Variants in ITPRID2 observed in about 807,000 individuals in gnomAD.
ITPRID2 encodes the protein protein ITPRID2.
A neutral mutation model predicts 124.3 loss-of-function variants in ITPRID2; 60 were observed. The observed-to-expected ratio is 0.48, with a 90% CI of 0.39 to 0.60. The LOEUF is 0.60. Among genes scored for constraint, ITPRID2 ranks in the 20% least tolerant of loss-of-function variants. ITPRID2 has a pLI of 0.00. For synonymous variants in ITPRID2, 521 were observed against 542.9 expected (o/e 0.96, Z 0.56); for missense variants, 1,553 against 1,512.2 (o/e 1.03, Z -0.45).
At chr2:181,927,420 A>G (rs967017572) in intron 16 of ITPRID2, among the ~76,000 whole-genome samples, 2 of 152,202 alleles carry the variant, frequency 1.3e-5, no homozygotes, top group Non-Finnish European at 2.9e-5. Flanking sequence ...AAGTGTTTGG[A>G]CACCTGTAGA....
rs1369781634 is a variant in ITPRID2 at position 181,892,281 on chromosome 2, G to C, written c.211+4G>C. The stretch of plus-strand genomic sequence containing the variant: ...CTGCCGGCAGCGGGGGGAAGAGGTC[G>C]GTGCTCCCGGCCGGGCTCCGGGGGG... On this transcript the variant is annotated splice_donor_region_variant and intron_variant, in intron 1 of 17. Coordinates refer to ENST00000431877, the MANE Select transcript of ITPRID2 (RefSeq NM_001130445.3). The surrounding 1 kb of genome is among the most constrained non-coding windows in gnomAD (Gnocchi z 5.2). 6.5e-7 allele frequency: 1 copy of C among 1,544,102 alleles called. No individual in the cohort carries two copies. The highest frequency in any genetic ancestry group is 2.5e-5 in the East Asian group (1 of 40,802).
chr2:181,920,712 T>G, intron 15 of ITPRID2, 50 bp downstream of exon 15: 1 of 1,334,200 alleles, frequency 7.5e-7, no homozygotes, highest in Non-Finnish European at 1.1e-6. Context: ...ATACAACATT[T>G]CAGACACATA....
chr2:181,927,699 C>A (rs1198174398), intron 16 of ITPRID2, among the ~76,000 whole-genome samples: 2 of 152,124 alleles, frequency 1.3e-5, no homozygotes, highest in Non-Finnish European at 2.9e-5. Context: ...TCTTTAGATA[C>A]CTTGCTGTCA....
intron 6 of ITPRID2, among the ~76,000 whole-genome samples, chr2:181,900,430 A>T (rs1692566406): frequency 6.6e-6 from 1 of 152,154 alleles, no homozygotes; most frequent in Non-Finnish European, 1.5e-5. Context: ...GTGAGGAATC[A>T]CGTAGGGAAT....
chr2:181,919,395 G>GCA lies in ITPRID2; in HGVS notation c.3094_3095dup (p.Gln1032HisfsTer35). ...AGGAGCGCCTGCTGGGCCTGGAGGA[G>GCA]CAGCTTCGTGCTGTGCGCATGCCTT... On this transcript the variant is annotated frameshift_variant, in exon 14 of 18. Coordinates refer to ENST00000431877, the MANE Select transcript of ITPRID2 (RefSeq NM_001130445.3). LOFTEE classifies it high-confidence loss of function. The surrounding 1 kb of genome is among the most constrained non-coding windows in gnomAD (Gnocchi z 4.2). The GCA allele has an allele frequency of 1.9e-6, 3 of 1,613,712 alleles. No individual in the cohort carries two copies. Among genetic ancestry groups the GCA allele is most frequent in the Non-Finnish European group, 2.5e-6 (3 of 1,179,848 alleles).
rs556636387 is a variant in ITPRID2 at position 181,918,353 on chromosome 2, G to C, written c.2788-245G>C. 3.1e-5 allele frequency: 39 copies of C among 1,247,038 alleles called. No homozygotes were observed. The South Asian group carries it at 6.2e-4, about 20-fold the overall frequency. The allele number at this position is 1,247,038 out of a possible 1,614,324, so 77.2% of individuals were successfully genotyped here. A position where few individuals can be genotyped will look rare whatever the true frequency, so the allele number is the denominator to read the frequency against. ...CAAGAGGGAAGTCCTGAAAGAAATA[G>C]ATGTGAACTATGTTCCTTCGCCTCC... On this transcript the variant is annotated intron_variant, in intron 11 of 17. Transcript: ENST00000431877.
At chr2:181,920,947 G>C (rs188988419) in intron 15 of ITPRID2, among the ~76,000 whole-genome samples, 358 of 151,066 alleles carry the variant, frequency 2.4e-3, no homozygotes, top group African/African-American at 8.4e-3. Context: ...TATTTAAATG[G>C]TTGAGGTGGA....
chr2:181,909,830 T>C, intron 8 of ITPRID2, 69 bp from the exon 9 acceptor site: 1 of 1,163,490 alleles, frequency 8.6e-7, no homozygotes, highest in South Asian at 1.3e-5. Context: ...TTAATAGATA[T>C]TTATTCAAGA....
chr2:181,901,440 T>C (rs746535564), intron 7 of ITPRID2, among the ~76,000 whole-genome samples: 12 of 152,216 alleles, frequency 7.9e-5, no homozygotes, highest in Non-Finnish European at 1.3e-4. Context: ...TGAAAGAGTC[T>C]TAATGGAGTT....
At chr2:181,908,427 A>G (rs1693326056) in intron 8 of ITPRID2, among the ~76,000 whole-genome samples, 1 of 152,248 alleles carries the variant, frequency 6.6e-6, no homozygotes, top group African/African-American at 2.4e-5. Context: ...CCGAGCCTGA[A>G]TAGAAGCTAA....
At chr2:181,913,959 C>T (rs1693831592) in intron 10 of ITPRID2, 26 bp downstream of exon 10, 2 of 1,446,448 alleles carry the variant, frequency 1.4e-6, no homozygotes, top group South Asian at 1.2e-5. Context: ...CTAATAGGCA[C>T]TATGATTAAC....
Position 181,896,530 on chromosome 2 carries a change from C to G in ITPRID2, c.308-378C>G, listed in dbSNP as rs565601547. ...GGCAGTGGCAAGGCATATAAAAAAA[C>G]ATTTACAGTGTCAGGAAAATCCAGC... On this transcript the variant is annotated intron_variant, in intron 3 of 17. Transcript: ENST00000431877. The surrounding 1 kb of genome is among the most constrained non-coding windows in gnomAD (Gnocchi z 4.3). Among the ~76,000 whole-genome samples the G allele has an allele frequency of 2.6e-5, 4 of 151,900 alleles. No individual in the cohort carries two copies. Among genetic ancestry groups the G allele is most frequent in the Non-Finnish European group, 4.4e-5 (3 of 67,842 alleles).
chr2:181,919,233 A>T lies in ITPRID2; in HGVS notation c.2994-63A>T. ...GTTAGCATATAGTAGTTGTTGAAAG[A>T]TTTGTGATTAGGAATCTCCAAACTG... On this transcript the variant is annotated intron_variant, in intron 13 of 17. Coordinates refer to ENST00000431877, the MANE Select transcript of ITPRID2 (RefSeq NM_001130445.3). This position sits in a 1 kb window ranked among gnomAD's most constrained non-coding sequence, Gnocchi z 4.2. 6.3e-7 allele frequency: 1 copy of T among 1,584,282 alleles called. No homozygotes were observed. The highest frequency in any genetic ancestry group is 8.6e-7 in the Non-Finnish European group (1 of 1,161,548).
At chr2:181,928,505 T>A (rs76902919) in intron 17 of ITPRID2, among the ~76,000 whole-genome samples, 6,736 of 152,318 alleles carry the variant, frequency 0.044, 214 homozygotes, top group Middle Eastern at 0.099. Flanking sequence ...GTCATTCTAC[T>A]GAAATTTCAT....
intron 8 of ITPRID2, among the ~76,000 whole-genome samples, chr2:181,903,505 C>G (rs1692848298): frequency 6.6e-6 from 1 of 152,136 alleles, no homozygotes. Flanking sequence ...GAGTGTCTCT[C>G]TCTCTTGCTC....
chr2:181,912,523 G>A (rs1323442038), intron 9 of ITPRID2, among the ~76,000 whole-genome samples: 1 of 152,144 alleles, frequency 6.6e-6, no homozygotes, highest in East Asian at 1.9e-4. Context: ...GTATTCCATG[G>A]AAACTGAGTC....
intron 16 of ITPRID2, among the ~76,000 whole-genome samples, chr2:181,923,757 T>C (rs1694657624): frequency 6.6e-6 from 1 of 152,170 alleles, no homozygotes; most frequent in Non-Finnish European, 1.5e-5. Flanking sequence ...GAAAACTTTA[T>C]ATTGCTCTTT....
chr2:181,925,361 A>G (rs576820108), intron 16 of ITPRID2, among the ~76,000 whole-genome samples: 10 of 152,310 alleles, frequency 6.6e-5, no homozygotes, highest in African/African-American at 2.2e-4. Context: ...TTATGCTCAT[A>G]AAGGTAATTT....
intron 2 of ITPRID2, chr2:181,894,730 G>A (rs962966913): frequency 6.6e-6 from 1 of 152,084 alleles, no homozygotes; most frequent in African/African-American, 2.4e-5. Context: ...CATTTGTGGG[G>A]GGACTAAGTA....
Sources: gnomAD v4.1 joint callset for allele counts (sites outside exome capture counted in the v4.1 genomes callset) on GRCh38, gnomAD v4.1.1 for gene constraint, Gnocchi (gnomAD v3.1) non-coding constraint, MANE v1.5 for transcripts, NCBI Gene and HGNC (gene_info 2026-07-23, HGNC 2026-07-21) for gene names.